The following SRPK2 variants were observed in gnomAD, a reference collection of about 807,000 sequenced individuals.
SRPK2 encodes SFRS protein kinase 2.
Under a neutral mutation model 90.8 loss-of-function variants are expected in SRPK2, and 21 were observed. That is an observed-to-expected ratio of 0.23 (90% CI 0.16 to 0.33). The LOEUF (loss-of-function observed/expected upper bound fraction) is 0.33. Ranked by LOEUF, SRPK2 falls within the 10% of genes least tolerant of loss-of-function variation. SRPK2 has a pLI of 1.00. For synonymous variants in SRPK2, 288 were observed against 311.1 expected (o/e 0.93, Z 0.78); for missense variants, 620 against 869.0 (o/e 0.71, Z 3.60).
At chr7:105,129,186 G>A (rs866777908) in intron 13 of SRPK2, among the ~76,000 whole-genome samples, 5 of 152,046 alleles carry the variant, frequency 3.3e-5, no homozygotes, top group African/African-American at 9.6e-5. Flanking sequence ...CGCCTGCCTC[G>A]GCCTCCCAAA....
intron 15 of SRPK2, among the ~76,000 whole-genome samples, chr7:105,120,137 A>G (rs1448132801): frequency 6.6e-6 from 1 of 152,252 alleles, no homozygotes; most frequent in Non-Finnish European, 1.5e-5. Flanking sequence ...AGCAACAGTT[A>G]AAGCAAACTA....
intron 6 of SRPK2, among the ~76,000 whole-genome samples, chr7:105,165,967 C>A (rs1164422287): frequency 1.3e-5 from 2 of 152,154 alleles, no homozygotes; most frequent in Non-Finnish European, 2.9e-5. Context: ...GATGCGCCAC[C>A]TTTAAGAGCT....
chr7:105,348,068 CTTTT>C (rs770159031), intron 2 of SRPK2, among the ~76,000 whole-genome samples: 1 of 80,998 alleles, frequency 1.2e-5, no homozygotes, highest in South Asian at 5.2e-4. Context: ...GCTTGGCAAA[CTTTT>C]TTTTTTTTTT....
intron 3 of SRPK2, 104 bp from the exon 4 acceptor site, chr7:105,169,369 A>C: frequency 1.3e-6 from 1 of 799,128 alleles, no homozygotes; most frequent in South Asian, 1.7e-5. Flanking sequence ...AAAGCTCTAC[A>C]TAATACATGC....
At chr7:105,325,846 G>C (rs1228026699) in intron 2 of SRPK2, among the ~76,000 whole-genome samples, 1 of 152,166 alleles carries the variant, frequency 6.6e-6, no homozygotes, top group Non-Finnish European at 1.5e-5. Context: ...AGAAGACCCT[G>C]TCTCTTTGGT....
chr7:105,217,587 C>G (rs1392579436), intron 2 of SRPK2, among the ~76,000 whole-genome samples: 1 of 152,214 alleles, frequency 6.6e-6, no homozygotes, highest in Non-Finnish European at 1.5e-5. Flanking sequence ...GACTGATACT[C>G]TCAGAACTGA....
At chr7:105,171,741 G>A (rs1328247883) in intron 3 of SRPK2, among the ~76,000 whole-genome samples, 3 of 152,182 alleles carry the variant, frequency 2.0e-5, no homozygotes, top group African/African-American at 7.2e-5. Context: ...GAATCTCAAG[G>A]TGTATGACAA....
At chr7:105,338,306 G>A (rs988905760) in intron 2 of SRPK2, among the ~76,000 whole-genome samples, 4 of 152,030 alleles carry the variant, frequency 2.6e-5, no homozygotes, top group South Asian at 2.1e-4. Flanking sequence ...CATGATCTCC[G>A]CTCACTGCAA....
intron 2 of SRPK2, among the ~76,000 whole-genome samples, chr7:105,253,328 G>A (rs918031009): frequency 2.6e-5 from 4 of 152,100 alleles, no homozygotes; most frequent in African/African-American, 9.7e-5. Flanking sequence ...ATGCTAGGGG[G>A]AAAAATATAT....
chr7:105,221,972 T>C (rs1255057321), intron 2 of SRPK2, among the ~76,000 whole-genome samples: 1 of 152,226 alleles, frequency 6.6e-6, no homozygotes. Context: ...ATCCCTCTTT[T>C]CATAAACATC....
At chr7:105,204,496 G>T (rs2129610414) in intron 2 of SRPK2, 1 of 357,434 alleles carries the variant, frequency 2.8e-6, no homozygotes, top group South Asian at 2.4e-5. Flanking sequence ...CCATGCCCCA[G>T]TGCGGGGAAA....
intron 2 of SRPK2, among the ~76,000 whole-genome samples, chr7:105,242,498 G>A (rs557312495): frequency 8.9e-4 from 135 of 152,164 alleles, no homozygotes; most frequent in African/African-American, 3.1e-3. Flanking sequence ...GCAAAAGGGC[G>A]AGGTTCCATC....
chr7:105,329,573 G>A (rs147186706), intron 2 of SRPK2, among the ~76,000 whole-genome samples: 1,744 of 148,546 alleles, frequency 0.012, 41 homozygotes, highest in African/African-American at 0.041. Context: ...CAGCCTGGAC[G>A]ACAGAGTGAG....
chr7:105,358,323 G>T (rs992341649), intron 2 of SRPK2, among the ~76,000 whole-genome samples: 12 of 150,098 alleles, frequency 8.0e-5, no homozygotes, highest in Non-Finnish European at 1.8e-4. Context: ...CACACATTTT[G>T]TATGTTATAT....
At chr7:105,384,872 C>T (rs1456377651) in intron 2 of SRPK2, among the ~76,000 whole-genome samples, 1 of 149,960 alleles carries the variant, frequency 6.7e-6, no homozygotes, top group Admixed American at 6.7e-5. Flanking sequence ...CTATTCTCCA[C>T]ATAGCAACCT....
chr7:105,208,885 A>G (rs866188681), intron 2 of SRPK2, among the ~76,000 whole-genome samples: 30 of 152,188 alleles, frequency 2.0e-4, no homozygotes, highest in African/African-American at 7.0e-4. Flanking sequence ...CATTTGGGAC[A>G]CTGAGGCAGG....
intron 2 of SRPK2, among the ~76,000 whole-genome samples, chr7:105,325,108 T>C (rs902483537): frequency 6.6e-6 from 1 of 152,098 alleles, no homozygotes; most frequent in African/African-American, 2.4e-5. Context: ...TCCTTAAACA[T>C]ACTAACTTAA....
chr7:105,217,492 T>C (rs1797614535), intron 2 of SRPK2, among the ~76,000 whole-genome samples: 1 of 152,120 alleles, frequency 6.6e-6, no homozygotes, highest in Non-Finnish European at 1.5e-5. Context: ...ATCTGACAAA[T>C]GAAGACTGTC....
chr7:105,295,611 G>T (rs977669723), intron 2 of SRPK2, among the ~76,000 whole-genome samples: 6 of 152,290 alleles, frequency 3.9e-5, no homozygotes, highest in Non-Finnish European at 8.8e-5. Flanking sequence ...GTTACCAGGG[G>T]CCAGGAAGGG....
Sources: allele counts gnomAD v4.1 joint callset (sites outside exome capture counted in the v4.1 genomes callset), GRCh38; gene constraint gnomAD v4.1.1; transcripts MANE v1.5; gene names NCBI Gene and HGNC (gene_info 2026-07-23, HGNC 2026-07-21).